The following XPO6 variants were observed in gnomAD, a reference collection of about 807,000 sequenced individuals.
XPO6 encodes exportin 6.
A neutral mutation model predicts 130.0 loss-of-function variants in XPO6; 3 were observed. The ratio of observed to expected loss-of-function variants is 0.02; its 90% CI spans 0.01 to 0.06. The LOEUF (loss-of-function observed/expected upper bound fraction) is 0.06, where lower values mean the gene tolerates loss of function less well. Ranked by LOEUF, XPO6 falls within the 10% of genes least tolerant of loss-of-function variation. The pLI is 1.00. For missense variants in XPO6, 970 were observed against 1,393.0 expected, an observed-to-expected ratio of 0.70 and a Z score of 4.83; for synonymous variants, 524 against 548.9, an observed-to-expected ratio of 0.95 and a Z score of 0.63.
chr16:28,207,266 A>G (rs2044046482), intron 1 of XPO6, among the ~76,000 whole-genome samples: 1 of 151,998 alleles, frequency 6.6e-6, no homozygotes, highest in Non-Finnish European at 1.5e-5. Context: ...AAAAGGAAAG[A>G]AAGAAAGAAA....
At chr16:28,109,889 A>AGT (rs1883704391) in intron 17 of XPO6, among the ~76,000 whole-genome samples, 1 of 152,234 alleles carries the variant, frequency 6.6e-6, no homozygotes, top group Admixed American at 6.5e-5. Flanking sequence ...TCAGAGATGA[A>AGT]GTGTCAATTA....
intron 1 of XPO6, among the ~76,000 whole-genome samples, chr16:28,188,671 CAAAAAAAAAAAA>C (rs144107071): frequency 2.6e-4 from 17 of 65,666 alleles, no homozygotes; most frequent in Non-Finnish European, 4.1e-4. Context: ...TTCACCACTG[CAAAAAAAAAAAA>C]AAAAAAAAAA....
In XPO6 at chr16:28,132,219, G is replaced by C; in HGVS notation, c.1606+115C>G. 1 of 785,264 alleles carries C rather than the reference G, an allele frequency of 1.3e-6. No homozygotes were observed. 48.6% of individuals were successfully genotyped at this position (785,264 alleles called of 1,614,324 possible). ...TGTTTCGAAGTGGGGAGAGATGCCA[G>C]TGGGGAGGCTGCAGTGAAGAAATCA... On this transcript the variant is annotated intron_variant, in intron 12 of 23. Coordinates refer to ENST00000304658, the MANE Select transcript of XPO6 (RefSeq NM_015171.4). The surrounding 1 kb of genome is among the most constrained non-coding windows in gnomAD (Gnocchi z 4.0).
Position 28,101,210 on chromosome 16 carries a change from G to C in XPO6, c.3276+248C>G. ...GACAAATGGAGGGGCTGCAGAGCCA[G>C]GAACTCGGGACCTCCATGGCTGAGA... On this transcript the variant is annotated intron_variant, in intron 23 of 23. Coordinates refer to ENST00000304658, the MANE Select transcript of XPO6 (RefSeq NM_015171.4). The surrounding 1 kb of genome is among the most constrained non-coding windows in gnomAD (Gnocchi z 5.4). The C allele has an allele frequency of 1.7e-6, 1 of 572,718 alleles. No homozygotes were observed. Among genetic ancestry groups the C allele is most frequent in the Non-Finnish European group, 3.2e-6 (1 of 317,214 alleles). 35.5% of individuals were successfully genotyped at this position (572,718 alleles called of 1,614,324 possible).
rs780445485 is a variant in XPO6, at chr16:28,101,379, G to C, written c.3276+79C>G. ...AGACCACGCCCAGAGGCCTCAATGT[G>C]CCCCCTCCTTGCTGCACAGGTGCCA... is the stretch of plus-strand genomic sequence containing the variant. On this transcript the variant is annotated intron_variant, in intron 23 of 23. Coordinates refer to ENST00000304658, the MANE Select transcript of XPO6 (RefSeq NM_015171.4). This position sits in a 1 kb window ranked among gnomAD's most constrained non-coding sequence, Gnocchi z 5.4. The C allele has an allele frequency of 7.3e-5, 95 of 1,308,002 alleles. No homozygotes were observed. Among genetic ancestry groups the C allele is most frequent in the Non-Finnish European group, 9.7e-5 (88 of 910,136 alleles). 81.0% of individuals were successfully genotyped at this position (1,308,002 alleles called of 1,614,324 possible).
At position 28,159,146 on chromosome 16, in the gene XPO6, C is replaced by T. The variant is rs1006993246; in HGVS notation, c.644-2619G>A. Among the ~76,000 whole-genome samples, 34 of 151,982 alleles carry T rather than the reference C, an allele frequency of 2.2e-4. 1 individual carries two copies. The highest frequency in any genetic ancestry group is 7.5e-4 in the African/African-American group (31 of 41,388). ...TCAGGAGGCTGAAGTGGGAGGATCG[C>T]TTGAGCCCGGGGAGGTCAAGGCTGC... On this transcript the variant is annotated intron_variant, in intron 6 of 23. Coordinates refer to ENST00000304658, the MANE Select transcript of XPO6 (RefSeq NM_015171.4).
At chr16:28,137,167 C>T (rs1361246111) in intron 9 of XPO6, among the ~76,000 whole-genome samples, 1 of 152,198 alleles carries the variant, frequency 6.6e-6, no homozygotes, top group Non-Finnish European at 1.5e-5. Flanking sequence ...AAGGAATGGT[C>T]CCAGTTCGAA....
intron 2 of XPO6, among the ~76,000 whole-genome samples, chr16:28,180,420 G>T (rs1177294446): frequency 1.3e-5 from 2 of 152,072 alleles, no homozygotes; most frequent in East Asian, 3.9e-4. Context: ...CCCAGGCAGT[G>T]GGAAGCCCCC....
At chr16:28,208,000 A>C (rs909629959) in intron 1 of XPO6, among the ~76,000 whole-genome samples, 13 of 84,176 alleles carry the variant, frequency 1.5e-4, no homozygotes, top group Non-Finnish European at 9.5e-5. Context: ...CAAAACAAAA[A>C]AAAAAACTAG....
At chr16:28,161,322 C>G (rs1160276538) in intron 6 of XPO6, among the ~76,000 whole-genome samples, 5 of 152,128 alleles carry the variant, frequency 3.3e-5, no homozygotes, top group Non-Finnish European at 5.9e-5. Context: ...GGTCCCCAGA[C>G]TTATTGAGAG....
chr16:28,189,173 A>G (rs1224183497), intron 1 of XPO6, among the ~76,000 whole-genome samples: 1 of 150,946 alleles, frequency 6.6e-6, no homozygotes, highest in African/African-American at 2.4e-5. Context: ...CTTAAACTCC[A>G]GGGCTCAAGC....
chr16:28,107,464 G>A, intron 18 of XPO6, 58 bp downstream of exon 18: 1 of 1,588,748 alleles, frequency 6.3e-7, no homozygotes, highest in Non-Finnish European at 8.6e-7. Flanking sequence ...AGATCTAAGT[G>A]GGTATTCTGG....
chr16:28,207,289 TAGC>T (rs2044046922), intron 1 of XPO6, among the ~76,000 whole-genome samples: 1 of 150,546 alleles, frequency 6.6e-6, no homozygotes, highest in Non-Finnish European at 1.5e-5. Context: ...AAACAAACCT[TAGC>T]AGGCAATTCA....
At chr16:28,197,104 T>C (rs928754095) in intron 1 of XPO6, among the ~76,000 whole-genome samples, 1 of 151,710 alleles carries the variant, frequency 6.6e-6, no homozygotes, top group African/African-American at 2.4e-5. Context: ...ATACAAAAAT[T>C]AGCCGGGTGT....
At chr16:28,188,984 A>T (rs61362332) in intron 1 of XPO6, among the ~76,000 whole-genome samples, 8,240 of 152,076 alleles carry the variant, frequency 0.054, 571 homozygotes, top group East Asian at 0.17. Flanking sequence ...TTCTGGAGGC[A>T]CAGGTCTTGC....
chr16:28,183,394 T>A (rs562681723), intron 1 of XPO6: 1 of 150,252 alleles, frequency 6.7e-6, no homozygotes, highest in African/African-American at 2.5e-5. Flanking sequence ...GTTCTACTCT[T>A]TCCCCCGTTC....
chr16:28,104,732 A>T (rs1029739391), intron 20 of XPO6, 25 bp from the exon 21 acceptor site: 1 of 1,612,134 alleles, frequency 6.2e-7, no homozygotes, highest in African/African-American at 1.3e-5. Flanking sequence ...AGACGCTCAG[A>T]CCTGCAGCTT....
At chr16:28,114,431 A>G (rs1400382372) in intron 15 of XPO6, among the ~76,000 whole-genome samples, 1 of 152,260 alleles carries the variant, frequency 6.6e-6, no homozygotes, top group African/African-American at 2.4e-5. Flanking sequence ...AAATTATGCA[A>G]TAACGCAAGG....
intron 8 of XPO6, 136 bp from the exon 9 acceptor site, chr16:28,146,339 A>G: frequency 1.4e-6 from 1 of 704,942 alleles, no homozygotes; most frequent in South Asian, 1.8e-5. Context: ...GGTAACCAAA[A>G]CTGGTGGCTT....
Sources: gnomAD v4.1 joint callset for allele counts (sites outside exome capture counted in the v4.1 genomes callset) on GRCh38, gnomAD v4.1.1 for gene constraint, Gnocchi (gnomAD v3.1) non-coding constraint, MANE v1.5 for transcripts, NCBI Gene and HGNC (gene_info 2026-07-23, HGNC 2026-07-21) for gene names.